The following BABAM2 variants were observed in gnomAD, a reference collection of about 807,000 sequenced individuals.
The protein encoded by BABAM2 is BRISC and BRCA1 A complex member 2, also known as BRISC and BRCA1-A complex member 2.
In BABAM2, 31 loss-of-function variants were observed where a neutral mutation model predicts 54.7. The observed-to-expected ratio is 0.57, with a 90% CI of 0.43 to 0.77. The LOEUF (loss-of-function observed/expected upper bound fraction) is 0.77, where lower values mean the gene tolerates loss of function less well. Among genes scored for constraint, BABAM2 ranks in the 30% least tolerant of loss-of-function variants. The pLI is 0.00. For missense variants in BABAM2, 364 were observed against 455.8 expected (o/e 0.80, Z 1.83); for synonymous variants, 167 against 162.9 (o/e 1.03, Z -0.19).
chr2:27,928,699 C>T (rs751386526), intron 2 of BABAM2, among the ~76,000 whole-genome samples: 10 of 151,942 alleles, frequency 6.6e-5, no homozygotes, highest in Admixed American at 2.6e-4. Context: ...GAAAATTAGC[C>T]TCCTTGCTTT....
intron 3 of BABAM2, among the ~76,000 whole-genome samples, chr2:27,958,247 C>A (rs1053448294): frequency 3.3e-5 from 5 of 151,832 alleles, no homozygotes; most frequent in African/African-American, 1.2e-4. Context: ...GGAATGTAGA[C>A]CCTGAAGAAT....
intron 11 of BABAM2, among the ~76,000 whole-genome samples, chr2:28,326,313 A>C (rs1303616238): frequency 1.3e-5 from 2 of 152,030 alleles, no homozygotes; most frequent in Admixed American, 6.5e-5. Flanking sequence ...GGCCATCAGC[A>C]CATCATGGTC....
chr2:27,960,192 C>G (rs898677193), intron 3 of BABAM2, among the ~76,000 whole-genome samples: 2 of 152,074 alleles, frequency 1.3e-5, no homozygotes, highest in South Asian at 4.1e-4. Flanking sequence ...AGTTATTTGA[C>G]AGTAGAAAGT....
At chr2:28,123,751 C>T (rs1466437300) in intron 6 of BABAM2, among the ~76,000 whole-genome samples, 11 of 152,138 alleles carry the variant, frequency 7.2e-5, no homozygotes, top group Non-Finnish European at 1.0e-4. Context: ...AATACCATTT[C>T]GGGGAAATCT....
At chr2:27,990,582 C>T (rs1424141857) in intron 4 of BABAM2, among the ~76,000 whole-genome samples, 1 of 152,094 alleles carries the variant, frequency 6.6e-6, no homozygotes, top group Non-Finnish European at 1.5e-5. Flanking sequence ...TGAGTATATA[C>T]CCTTAGAACC....
At chr2:28,224,344 A>T (rs1208792187) in intron 7 of BABAM2, among the ~76,000 whole-genome samples, 1 of 152,210 alleles carries the variant, frequency 6.6e-6, no homozygotes, top group Non-Finnish European at 1.5e-5. Flanking sequence ...ACACATTTTT[A>T]ATTTAAAAAC....
At chr2:27,993,860 C>T (rs1672946247) in intron 4 of BABAM2, among the ~76,000 whole-genome samples, 1 of 152,114 alleles carries the variant, frequency 6.6e-6, no homozygotes, top group South Asian at 2.1e-4. Context: ...GTGCTACCTA[C>T]AGAAGGACAT....
At chr2:28,261,859 TC>T (rs1684574365) in intron 10 of BABAM2, among the ~76,000 whole-genome samples, 2 of 151,700 alleles carry the variant, frequency 1.3e-5, no homozygotes, top group Non-Finnish European at 2.9e-5. Context: ...TATTGATTTA[TC>T]CCTTCGGTCA....
chr2:28,213,154 G>T (rs1419951760), intron 7 of BABAM2, among the ~76,000 whole-genome samples: 2 of 151,870 alleles, frequency 1.3e-5, no homozygotes, highest in African/African-American at 2.4e-5. Context: ...TTGAGCCCAG[G>T]ACATGGAGGT....
Position 27,900,355 on chromosome 2 carries a change from C to T in BABAM2, c.128+5671C>T, listed in dbSNP as rs552119960. Among the ~76,000 whole-genome samples the T allele has an allele frequency of 1.1e-3, 171 of 151,036 alleles. 2 individuals carry two copies. Among genetic ancestry groups the T allele is most frequent in the African/African-American group, 4.0e-3 (163 of 41,144 alleles). On this transcript the variant is annotated intron_variant, in intron 2 of 11. Coordinates refer to ENST00000379624, the MANE Select transcript of BABAM2 (RefSeq NM_199191.3). The stretch of plus-strand genomic sequence containing the variant: ...TAGGAGAAATAGGCAAGAACCTAAT[C>T]GAAGCAAGATTTCTTTTTTTTTTTT...
chr2:28,326,166 G>A (rs1200244743), intron 11 of BABAM2, among the ~76,000 whole-genome samples: 8 of 152,198 alleles, frequency 5.3e-5, no homozygotes. Flanking sequence ...AAAGTGGAGG[G>A]TAATCTGTGA....
At chr2:28,227,747 A>T (rs1681022723) in intron 7 of BABAM2, among the ~76,000 whole-genome samples, 1 of 152,204 alleles carries the variant, frequency 6.6e-6, no homozygotes, top group Admixed American at 6.5e-5. Flanking sequence ...GCATCATTGC[A>T]TGAGGTCTAG....
At chr2:28,290,638 G>A (rs1687212110) in intron 10 of BABAM2, among the ~76,000 whole-genome samples, 1 of 152,178 alleles carries the variant, frequency 6.6e-6, no homozygotes, top group Non-Finnish European at 1.5e-5. Context: ...TGCGCTTAAG[G>A]ACTTCATGGT....
intron 11 of BABAM2, among the ~76,000 whole-genome samples, chr2:28,305,829 A>G (rs534377687): frequency 8.5e-5 from 13 of 152,232 alleles, no homozygotes; most frequent in African/African-American, 3.1e-4. Flanking sequence ...CTTAGAGTAG[A>G]AGCTTAGGTC....
intron 3 of BABAM2, among the ~76,000 whole-genome samples, chr2:27,939,407 T>C (rs13416434): frequency 0.65 from 99,379 of 152,122 alleles, 34,175 homozygotes; most frequent in Middle Eastern, 0.8. Flanking sequence ...ACAGTAAAGA[T>C]ATTCAATTAA....
At chr2:27,927,838 G>GTTTTTT (rs376186465) in intron 2 of BABAM2, among the ~76,000 whole-genome samples, 17 of 135,750 alleles carry the variant, frequency 1.3e-4, no homozygotes, top group Non-Finnish European at 1.5e-4. Flanking sequence ...TAAAGTTTCT[G>GTTTTTT]TTTTTTTTTT....
chr2:28,165,113 C>T (rs1441186298), intron 7 of BABAM2, among the ~76,000 whole-genome samples: 2 of 152,162 alleles, frequency 1.3e-5, no homozygotes, highest in African/African-American at 2.4e-5. Context: ...AAACAGACAT[C>T]GTCTTTGCCT....
At chr2:28,248,722 A>C (rs1322832724) in intron 10 of BABAM2, among the ~76,000 whole-genome samples, 2 of 152,200 alleles carry the variant, frequency 1.3e-5, no homozygotes, top group Non-Finnish European at 2.9e-5. Context: ...TTGTGACTGT[A>C]TGACAAGCTG....
intron 4 of BABAM2, among the ~76,000 whole-genome samples, chr2:28,001,690 CA>C (rs2148513531): frequency 1.3e-5 from 2 of 152,214 alleles, no homozygotes; most frequent in South Asian, 4.2e-4. Context: ...AGGGATCTTA[CA>C]ATCATGGCAG....
Sources: allele counts gnomAD v4.1 joint callset (sites outside exome capture counted in the v4.1 genomes callset), GRCh38; gene constraint gnomAD v4.1.1; transcripts MANE v1.5; gene names NCBI Gene and HGNC (gene_info 2026-07-23, HGNC 2026-07-21).